TTLL5: variants seen among roughly 807,000 people sequenced by gnomAD.
TTLL5 encodes tubulin polyglutamylase TTLL5.
Under a neutral mutation model 168.4 loss-of-function variants are expected in TTLL5, and 132 were observed. The observed-to-expected ratio is 0.78, with a 90% CI of 0.68 to 0.91. TTLL5 has a LOEUF of 0.91. TTLL5 is among the 40% of genes least tolerant of loss of function. TTLL5 has a pLI of 0.00. For synonymous variants in TTLL5, 546 were observed against 558.6 expected, an observed-to-expected ratio of 0.98 and a Z score of 0.32; for missense variants, 1,545 against 1,581.5, an observed-to-expected ratio of 0.98 and a Z score of 0.39.
chr14:75,859,691 A>C (rs1412862997), intron 28 of TTLL5, among the ~76,000 whole-genome samples: 1 of 152,228 alleles, frequency 6.6e-6, no homozygotes, highest in African/African-American at 2.4e-5. Context: ...GAAAAATAGA[A>C]TTCGTTGAGG....
intron 6 of TTLL5, among the ~76,000 whole-genome samples, chr14:75,695,309 T>C (rs2140146322): frequency 6.6e-6 from 1 of 152,334 alleles, no homozygotes; most frequent in Admixed American, 6.5e-5. Context: ...TAAATTTTAG[T>C]CAGACTGGTT....
intron 18 of TTLL5, among the ~76,000 whole-genome samples, chr14:75,755,402 G>C (rs887208310): frequency 3.3e-5 from 5 of 151,762 alleles, no homozygotes; most frequent in Non-Finnish European, 5.9e-5. Flanking sequence ...ATTTCTACTT[G>C]CTCTTTTATA....
chr14:75,774,419 A>G (rs1444355517), intron 21 of TTLL5, among the ~76,000 whole-genome samples: 1 of 152,192 alleles, frequency 6.6e-6, no homozygotes, highest in African/African-American at 2.4e-5. Context: ...TTACCTTTCA[A>G]ACTACTGTGA....
chr14:75,708,909 A>G (rs1886846016), intron 9 of TTLL5, among the ~76,000 whole-genome samples: 2 of 152,296 alleles, frequency 1.3e-5, no homozygotes, highest in South Asian at 4.1e-4. Flanking sequence ...CCTGGGCCAC[A>G]TTGGAAGAAG....
At chr14:75,810,427 G>A (rs1363035034) in intron 27 of TTLL5, among the ~76,000 whole-genome samples, 1 of 152,072 alleles carries the variant, frequency 6.6e-6, no homozygotes, top group East Asian at 1.9e-4. Flanking sequence ...GAGTACAGTG[G>A]TGTGATTATG....
intron 30 of TTLL5, among the ~76,000 whole-genome samples, chr14:75,893,865 C>T (rs2032527902): frequency 9.8e-6 from 1 of 101,988 alleles, no homozygotes; most frequent in East Asian, 3.0e-4. Flanking sequence ...TAATTTGAGA[C>T]ATTCAAAGTC....
chr14:75,900,408 A>G (rs2032872179), intron 30 of TTLL5, among the ~76,000 whole-genome samples: 1 of 152,142 alleles, frequency 6.6e-6, no homozygotes, highest in Non-Finnish European at 1.5e-5. Flanking sequence ...TCAGGGTTGT[A>G]GGGACTGTGT....
chr14:75,868,112 C>G (rs764611764), intron 29 of TTLL5, among the ~76,000 whole-genome samples: 2 of 152,102 alleles, frequency 1.3e-5, no homozygotes, highest in African/African-American at 4.8e-5. Context: ...CAGGACAGAG[C>G]GATTACTCAG....
intron 28 of TTLL5, chr14:75,835,541 C>T (rs749558152): frequency 5.3e-5 from 8 of 152,086 alleles, no homozygotes; most frequent in Non-Finnish European, 1.0e-4. Flanking sequence ...TACCATGTGA[C>T]AGGAGCCAAC....
At chr14:75,887,976 A>G (rs1450087097) in intron 30 of TTLL5, among the ~76,000 whole-genome samples, 1 of 152,204 alleles carries the variant, frequency 6.6e-6, no homozygotes. Context: ...GGGCTTTTGT[A>G]TAGTGTCTTC....
In TTLL5 at chr14:75,820,894, G is replaced by A. The variant is rs546516648; in HGVS notation, c.3326+733G>A. On this transcript the variant is annotated intron_variant, in intron 28 of 31. Transcript: ENST00000298832. The stretch of plus-strand genomic sequence containing the variant: ...ATTAAATTGCATCAGTCCCTGAGTC[G>A]AATGCGCTAGAGAGAAATGTGACTG... 1.9e-4 allele frequency: 29 copies of A among 151,836 alleles called. 1 individual carries two copies. The highest frequency in any genetic ancestry group is 1.4e-3 in the Admixed American group (22 of 15,250). 9.4% of individuals were successfully genotyped at this position (151,836 alleles called of 1,614,324 possible). A position where few individuals can be genotyped will look rare whatever the true frequency, so the allele number is the denominator to read the frequency against.
chr14:75,767,673 C>T (rs1891047471), intron 20 of TTLL5, among the ~76,000 whole-genome samples: 1 of 152,162 alleles, frequency 6.6e-6, no homozygotes, highest in Admixed American at 6.5e-5. Flanking sequence ...TAAGAGGAGC[C>T]TAAGCTTTAT....
At chr14:75,949,612 A>G (rs2034892122) in intron 31 of TTLL5, among the ~76,000 whole-genome samples, 1 of 151,842 alleles carries the variant, frequency 6.6e-6, no homozygotes. Context: ...GCACTTTGGG[A>G]GACCAAGGGG....
chr14:75,791,873 GAT>G (rs1396890394), intron 26 of TTLL5, among the ~76,000 whole-genome samples: 1 of 151,880 alleles, frequency 6.6e-6, no homozygotes, highest in Admixed American at 6.6e-5. Context: ...TTTTTGAAGA[GAT>G]GTGACTTTTA....
intron 18 of TTLL5, among the ~76,000 whole-genome samples, chr14:75,758,742 A>G (rs1197542662): frequency 6.6e-6 from 1 of 152,192 alleles, no homozygotes; most frequent in Non-Finnish European, 1.5e-5. Context: ...ATCAATAACA[A>G]TAGAAAATCT....
At chr14:75,710,021 C>G (rs777919076) in intron 9 of TTLL5, 1 of 151,386 alleles carries the variant, frequency 6.6e-6, no homozygotes, top group South Asian at 2.1e-4. Flanking sequence ...CCTTCCTCTG[C>G]TCATCCTCAC....
chr14:75,697,258 C>T (rs527995106), intron 6 of TTLL5, among the ~76,000 whole-genome samples: 16 of 152,230 alleles, frequency 1.1e-4, no homozygotes, highest in African/African-American at 3.4e-4. Context: ...AATAGTTTGC[C>T]GACCCTTCAT....
chr14:75,779,752 T>C lies in TTLL5; in HGVS notation c.2515+50T>C, dbSNP rs201208210. ...AAAATAAGAAGAACAAGTGAAGAAA[T>C]GAGAAATGCAAAGGAGAATGAGGAA... On this transcript the variant is annotated intron_variant, in intron 24 of 31. Coordinates refer to ENST00000298832, the MANE Select transcript of TTLL5 (RefSeq NM_015072.5). The C allele has an allele frequency of 1.9e-6, 3 of 1,556,874 alleles. No individual in the cohort carries two copies. The African/African-American group carries it at 4.1e-5, about 22-fold the overall frequency.
intron 28 of TTLL5, among the ~76,000 whole-genome samples, chr14:75,833,891 AG>A (rs1895726318): frequency 6.6e-6 from 1 of 152,166 alleles, no homozygotes; most frequent in Non-Finnish European, 1.5e-5. Flanking sequence ...GACTCCTCAA[AG>A]GGTTATTTGT....
Sources: gnomAD v4.1 joint callset for allele counts (sites outside exome capture counted in the v4.1 genomes callset) on GRCh38, gnomAD v4.1.1 for gene constraint, MANE v1.5 for transcripts, NCBI Gene and HGNC (gene_info 2026-07-23, HGNC 2026-07-21) for gene names.